The following PDE4B variants were observed in gnomAD, a reference collection of about 807,000 sequenced individuals.
PDE4B encodes the protein 3',5'-cyclic-AMP phosphodiesterase 4B.
In PDE4B, 20 loss-of-function variants were observed where a neutral mutation model predicts 82.2. The ratio of observed to expected loss-of-function variants is 0.24; its 90% confidence interval spans 0.17 to 0.35. The LOEUF is 0.35. PDE4B is among the 10% of genes least tolerant of loss of function. The probability of loss-of-function intolerance (pLI) is 1.00; values close to 1 mark genes in which losing one functional copy is unlikely to be tolerated. For synonymous variants in PDE4B, 320 were observed against 318.9 expected, an observed-to-expected ratio of 1.00 and a Z score of -0.04; for missense variants, 655 against 907.2, an observed-to-expected ratio of 0.72 and a Z score of 3.57.
At chr1:66,299,058 T>C (rs1015578330) in intron 7 of PDE4B, among the ~76,000 whole-genome samples, 11 of 152,118 alleles carry the variant, frequency 7.2e-5, no homozygotes, top group African/African-American at 2.7e-4. Context: ...CCTTAAACAT[T>C]TATCATTTCT....
chr1:65,898,900 G>A (rs1194299640), intron 1 of PDE4B, among the ~76,000 whole-genome samples: 2 of 152,010 alleles, frequency 1.3e-5, no homozygotes, highest in East Asian at 3.9e-4. Flanking sequence ...CTAGACATTG[G>A]CTTAGGCAAG....
intron 7 of PDE4B, among the ~76,000 whole-genome samples, chr1:66,301,442 T>C (rs2101838831): frequency 6.6e-6 from 1 of 152,194 alleles, no homozygotes; most frequent in Middle Eastern, 3.4e-3. Context: ...TAATATTATC[T>C]CTATGTCACA....
At chr1:66,101,411 T>A (rs767533727) in intron 3 of PDE4B, among the ~76,000 whole-genome samples, 6 of 152,178 alleles carry the variant, frequency 3.9e-5, no homozygotes, top group Non-Finnish European at 8.8e-5. Context: ...CACCACACTG[T>A]CTTCCACAAT....
chr1:65,866,073 G>A, intron 1 of PDE4B, among the ~76,000 whole-genome samples: 1 of 152,262 alleles, frequency 6.6e-6, no homozygotes, highest in South Asian at 2.1e-4. Flanking sequence ...CAGTATGAAA[G>A]ATGATATTTT....
chr1:66,134,858 CT>C lies in PDE4B; in HGVS notation c.282-112600del, dbSNP rs1570315400. On this transcript the variant is annotated intron_variant, in intron 3 of 16. Coordinates refer to ENST00000341517, the MANE Select transcript of PDE4B (RefSeq NM_002600.4). ...CGTGTAGATAAATAAAATGTAGTCA[CT>C]TCTGTCAAGCAATATAATCTGGTGA... Among the ~76,000 whole-genome samples the C allele has an allele frequency of 4.6e-5, 7 of 152,066 alleles. No individual in the cohort carries two copies. The East Asian group carries it at 1.4e-3, about 30-fold the overall frequency.
intron 3 of PDE4B, among the ~76,000 whole-genome samples, chr1:66,135,874 C>G (rs945351428): frequency 6.6e-6 from 1 of 152,148 alleles, no homozygotes; most frequent in Middle Eastern, 3.2e-3. Flanking sequence ...GCTAAAGAAT[C>G]TGCCCTCCCA....
intron 7 of PDE4B, among the ~76,000 whole-genome samples, chr1:66,281,234 G>T (rs1028450596): frequency 6.6e-6 from 1 of 152,196 alleles, no homozygotes; most frequent in African/African-American, 2.4e-5. Context: ...ATTTGTTGAT[G>T]GATTACTTAT....
At chr1:66,118,993 C>T (rs1272117934) in intron 3 of PDE4B, among the ~76,000 whole-genome samples, 1 of 152,152 alleles carries the variant, frequency 6.6e-6, no homozygotes, top group East Asian at 1.9e-4. Flanking sequence ...CCTTCTTCAT[C>T]TCTATGTATA....
At chr1:65,841,923 C>A (rs1646211860) in intron 1 of PDE4B, among the ~76,000 whole-genome samples, 2 of 152,102 alleles carry the variant, frequency 1.3e-5, no homozygotes, top group African/African-American at 4.8e-5. Context: ...TAATTATTAT[C>A]TATTCTGAGT....
At chr1:66,065,189 T>C (rs886708951) in intron 3 of PDE4B, among the ~76,000 whole-genome samples, 1 of 151,948 alleles carries the variant, frequency 6.6e-6, no homozygotes, top group Non-Finnish European at 1.5e-5. Context: ...AAATTGGAAT[T>C]AAAGATTGAA....
chr1:66,040,555 T>A (rs1654312943), intron 3 of PDE4B, among the ~76,000 whole-genome samples: 3 of 151,994 alleles, frequency 2.0e-5, no homozygotes, highest in African/African-American at 7.2e-5. Context: ...TGCTTTATAA[T>A]AAGAAGAATA....
chr1:66,171,934 A>G (rs969370152), intron 3 of PDE4B, among the ~76,000 whole-genome samples: 13 of 152,326 alleles, frequency 8.5e-5, no homozygotes, highest in African/African-American at 2.9e-4. Context: ...AACTCAGCAA[A>G]TTCTAGCTTT....
At chr1:66,007,194 C>A (rs1652198217) in intron 3 of PDE4B, among the ~76,000 whole-genome samples, 1 of 152,076 alleles carries the variant, frequency 6.6e-6, no homozygotes. Context: ...CCTGTAATCC[C>A]AGCACTTTGG....
chr1:65,877,727 A>C (rs1396661312), intron 1 of PDE4B, among the ~76,000 whole-genome samples: 1 of 151,906 alleles, frequency 6.6e-6, no homozygotes, highest in African/African-American at 2.4e-5. Context: ...CCTATACAAA[A>C]ATTAACTCAA....
chr1:66,153,912 T>G (rs1646452252), intron 3 of PDE4B, among the ~76,000 whole-genome samples: 1 of 152,214 alleles, frequency 6.6e-6, no homozygotes, highest in African/African-American at 2.4e-5. Context: ...CAAAAATATC[T>G]CTGTTGCTAA....
At chr1:66,259,794 A>G (rs1429012030) in intron 6 of PDE4B, among the ~76,000 whole-genome samples, 3 of 152,202 alleles carry the variant, frequency 2.0e-5, no homozygotes, top group Non-Finnish European at 4.4e-5. Flanking sequence ...TTGTTGGAGG[A>G]AAGACCACCA....
In PDE4B at chr1:66,242,886, G is replaced by T. The variant is rs945460490; in HGVS notation, c.282-4574G>T. On this transcript the variant is annotated intron_variant, in intron 3 of 16. Transcript: ENST00000341517. ...TCTGCTGCCATCTGCTGGCTCACGT[G>T]TCACCAGCTCAGGGCTGGCTTTGCA... 7.2e-5 allele frequency among the ~76,000 whole-genome samples: 11 copies of T among 152,302 alleles called. No individual in the cohort carries two copies. In the East Asian group the frequency reaches 1.9e-3, roughly 27 times the overall value.
intron 8 of PDE4B, among the ~76,000 whole-genome samples, chr1:66,339,235 A>G (rs1660776771): frequency 6.6e-6 from 1 of 152,224 alleles, no homozygotes; most frequent in South Asian, 2.1e-4. Flanking sequence ...TAAAGATGAA[A>G]GAGAAGATTA....
At chr1:66,184,800 T>C (rs1206752420) in intron 3 of PDE4B, among the ~76,000 whole-genome samples, 1 of 148,366 alleles carries the variant, frequency 6.7e-6, no homozygotes, top group Non-Finnish European at 1.5e-5. Flanking sequence ...TCAGAGTTTT[T>C]CTTTTTTTTT....
Sources: allele counts gnomAD v4.1 joint callset (sites outside exome capture counted in the v4.1 genomes callset), GRCh38; gene constraint gnomAD v4.1.1; transcripts MANE v1.5; gene names NCBI Gene and HGNC (gene_info 2026-07-23, HGNC 2026-07-21).